Variants in TEK observed in about 807,000 individuals in gnomAD.
The protein encoded by TEK is TEK receptor tyrosine kinase.
A neutral mutation model predicts 131.8 loss-of-function variants in TEK; 43 were observed. The ratio of observed to expected loss-of-function variants is 0.33; its 90% CI spans 0.26 to 0.42. The LOEUF is 0.42. Ranked by LOEUF, TEK falls within the 10% of genes least tolerant of loss-of-function variation. TEK has a pLI of 1.00. For synonymous variants in TEK, 580 were observed against 491.6 expected, an observed-to-expected ratio of 1.18 and a Z score of -2.38; for missense variants, 1,162 against 1,384.4, an observed-to-expected ratio of 0.84 and a Z score of 2.55.
intron 8 of TEK, among the ~76,000 whole-genome samples, chr9:27,185,256 A>G (rs1405514102): frequency 6.6e-6 from 1 of 152,154 alleles, no homozygotes; most frequent in African/African-American, 2.4e-5. Flanking sequence ...CCGTACTCCT[A>G]AACACACAAA....
At chr9:27,109,971 T>C (rs1427637060) in intron 1 of TEK, among the ~76,000 whole-genome samples, 2 of 16,562 alleles carry the variant, frequency 1.2e-4, no homozygotes, top group Non-Finnish European at 1.4e-3. Flanking sequence ...GTTTTTCTTA[T>C]TGATTTTTTT....
In TEK at chr9:27,212,753, G is replaced by A. The variant is rs1207415587; in HGVS notation, c.2733G>A (p.Leu911=). ...AIEYAPHGNL[L]DFLRKSRVLE... is the part of the protein sequence containing the mutation. ...AGTACGCGCCCCATGGAAACCTTCT[G>A]GACTTCCTTCGCAAGAGCCGTGTGC... The change falls in exon 17 of 23, where the codon CTG becomes CTA. Residue 911 remains leucine (L), a synonymous_variant. Coordinates refer to ENST00000380036, the MANE Select transcript of TEK (RefSeq NM_000459.5). 1 of 1,614,130 alleles carries A rather than the reference G, an allele frequency of 6.2e-7. No homozygotes were observed. The highest frequency in any genetic ancestry group is 8.5e-7 in the Non-Finnish European group (1 of 1,180,024).
At chr9:27,205,658 C>T (rs1262924235) in intron 14 of TEK, among the ~76,000 whole-genome samples, 1 of 152,010 alleles carries the variant, frequency 6.6e-6, no homozygotes, top group Non-Finnish European at 1.5e-5. Flanking sequence ...GAATTCTAAC[C>T]AGTAGCAAAG....
chr9:27,212,904 C>G lies in TEK; in HGVS notation c.2877+7C>G, dbSNP rs1825687370. 6.2e-7 allele frequency: 1 copy of G among 1,613,318 alleles called. No individual in the cohort carries two copies. The highest frequency in any genetic ancestry group is 1.1e-5 in the South Asian group (1 of 91,004). The stretch of plus-strand genomic sequence containing the variant: ...CTACTTGAGCCAAAAACAGGTTTGT[C>G]CGGAGGACTTCGCTTTGGATATCTT... On this transcript the variant is annotated splice_region_variant and intron_variant, in intron 17 of 22. Coordinates refer to ENST00000380036, the MANE Select transcript of TEK (RefSeq NM_000459.5).
intron 11 of TEK, among the ~76,000 whole-genome samples, chr9:27,194,266 C>T (rs1421734666): frequency 6.6e-6 from 1 of 152,124 alleles, no homozygotes; most frequent in Non-Finnish European, 1.5e-5. Context: ...GAAGAACATC[C>T]ACTTTTCTTC....
chr9:27,133,148 G>A (rs763988501), intron 1 of TEK, among the ~76,000 whole-genome samples: 5 of 152,044 alleles, frequency 3.3e-5, no homozygotes, highest in Non-Finnish European at 5.9e-5. Context: ...TCTTTTCTCC[G>A]GACCTCCTCT....
intron 9 of TEK, among the ~76,000 whole-genome samples, chr9:27,189,222 C>T (rs900805892): frequency 2.0e-5 from 3 of 152,132 alleles, no homozygotes; most frequent in South Asian, 2.1e-4. Context: ...AGCACCTAGT[C>T]GGTGCTGGTG....
chr9:27,183,755 A>G, intron 8 of TEK, 145 bp downstream of exon 8: 1 of 1,145,922 alleles, frequency 8.7e-7, no homozygotes, highest in Non-Finnish European at 1.3e-6. Context: ...CTATTCCTGG[A>G]GAGGCAGAAC....
At chr9:27,158,232 A>G (rs376258016) in intron 2 of TEK, 90 bp downstream of exon 2, 6 of 1,416,474 alleles carry the variant, frequency 4.2e-6, no homozygotes, top group East Asian at 4.6e-5. Context: ...GGGGCAGGGC[A>G]TGCACTACCT....
chr9:27,153,683 G>T (rs1212943827), intron 1 of TEK, among the ~76,000 whole-genome samples: 1 of 152,194 alleles, frequency 6.6e-6, no homozygotes, highest in African/African-American at 2.4e-5. Flanking sequence ...GCGCTATAAT[G>T]TAAGAAAGGG....
intron 21 of TEK, among the ~76,000 whole-genome samples, chr9:27,221,632 T>TGGACCTCC (rs1015804973): frequency 2.2e-4 from 34 of 152,008 alleles, no homozygotes; most frequent in African/African-American, 8.0e-4. Context: ...GGGTCTGGAG[T>TGGACCTCC]GGACCTCCAG....
chr9:27,169,762 G>C lies in TEK; in HGVS notation c.628+133G>C, dbSNP rs140728658. On this transcript the variant is annotated intron_variant, in intron 4 of 22. Coordinates refer to ENST00000380036, the MANE Select transcript of TEK (RefSeq NM_000459.5). ...CATTGGTTGGAGGTTGTATTAGTCTGTTCTTATGCTGCAAAGCAAATGAAT... is the reference window on the plus strand; with the variant it reads ...CATTGGTTGGAGGTTGTATTAGTCTCTTCTTATGCTGCAAAGCAAATGAAT... The C allele has an allele frequency of 9.5e-4, 1,186 of 1,244,234 alleles. 18 individuals carry two copies. The East Asian group carries it at 0.025, about 26-fold the overall frequency. The allele number at this position is 1,244,234 out of a possible 1,614,324, so 77.1% of individuals were successfully genotyped here.
chr9:27,140,233 A>G (rs1000779319), intron 1 of TEK, among the ~76,000 whole-genome samples: 1 of 148,870 alleles, frequency 6.7e-6, no homozygotes, highest in Non-Finnish European at 1.5e-5. Flanking sequence ...TTCACTTCAT[A>G]TGCCCCACAC....
At position 27,228,245 on chromosome 9, in the gene TEK, T is replaced by C; in HGVS notation, c.3240T>C (p.Tyr1080=). Residue 1080 remains tyrosine (Y), a synonymous_variant, in exon 22 of 23, where the codon TAT becomes TAC. Transcript: ENST00000380036. The part of the protein sequence containing the change: ...LMRQCWREKP[Y]ERPSFAQILV... ...GACAATGCTGGCGGGAGAAGCCTTA[T>C]GAGAGGCCATCATTTGCCCAGATAT... is the stretch of plus-strand genomic sequence containing the variant. 1.2e-6 allele frequency: 2 copies of C among 1,613,162 alleles called. No individual in the cohort carries two copies. The highest frequency in any genetic ancestry group is 1.7e-6 in the Non-Finnish European group (2 of 1,179,286).
intron 21 of TEK, among the ~76,000 whole-genome samples, chr9:27,221,187 C>T (rs1826061162): frequency 6.6e-6 from 1 of 152,316 alleles, no homozygotes; most frequent in African/African-American, 2.4e-5. Flanking sequence ...CACCGCCGCT[C>T]CTCAAAGCCA....
intron 1 of TEK, among the ~76,000 whole-genome samples, chr9:27,114,248 G>A (rs1821457350): frequency 6.6e-6 from 1 of 152,214 alleles, no homozygotes; most frequent in South Asian, 2.1e-4. Context: ...AGAGAACATT[G>A]TAGAAAGGAT....
intron 1 of TEK, among the ~76,000 whole-genome samples, chr9:27,149,392 T>C (rs1823043790): frequency 6.6e-6 from 1 of 152,206 alleles, no homozygotes; most frequent in Non-Finnish European, 1.5e-5. Flanking sequence ...TTCAATAGTG[T>C]GAGAATTCAA....
rs754088485 is a variant in TEK at position 27,205,084 on chromosome 9, A to G, written c.2364+19A>G. The G allele has an allele frequency of 6.2e-7, 1 of 1,613,806 alleles. No homozygotes were observed. Among genetic ancestry groups the G allele is most frequent in the South Asian group, 1.1e-5 (1 of 91,078 alleles). ...AAACGTGGTAGTGTCTCATCTTCCT[A>G]CTAGCTAATAAGGGCAAGTCCAAGT... On this transcript the variant is annotated intron_variant, in intron 14 of 22. Transcript: ENST00000380036.
rs760573137 is a variant in TEK at position 27,158,119 on chromosome 9, G to A, written c.341G>A (p.Arg114Gln). The change falls in exon 2 of 23, where the codon CGA becomes CAA. Residue 114 changes from arginine to glutamine, a missense_variant. Coordinates refer to ENST00000380036, the MANE Select transcript of TEK (RefSeq NM_000459.5). ...GRVRGEAIRI[R>Q]TMKMRQQASF... is the part of the protein sequence containing the mutation. ...GTTCGAGGAGAGGCAATCAGGATAC[G>A]AACCATGAAGATGCGTCAACAAGGT... 9 of 1,613,950 alleles carry A rather than the reference G, an allele frequency of 5.6e-6. No individual in the cohort carries two copies. Among genetic ancestry groups the A allele is most frequent in the African/African-American group, 1.3e-5 (1 of 74,896 alleles).
Sources: allele counts gnomAD v4.1 joint callset (sites outside exome capture counted in the v4.1 genomes callset), GRCh38; gene constraint gnomAD v4.1.1; transcripts MANE v1.5; gene names NCBI Gene and HGNC (gene_info 2026-07-23, HGNC 2026-07-21).